Variants in TRAPPC6A observed in about 807,000 individuals in gnomAD.
TRAPPC6A encodes the protein trafficking protein particle complex subunit 6A.
In TRAPPC6A, 25 loss-of-function variants were observed where a neutral mutation model predicts 20.8. That is an observed-to-expected ratio of 1.20 (90% CI 0.88 to 1.68). The LOEUF is 1.68. TRAPPC6A is among the 40% of genes most tolerant of loss of function. The probability of loss-of-function intolerance (pLI) is 0.00; values close to 1 mark genes in which losing one functional copy is unlikely to be tolerated. For synonymous variants in TRAPPC6A, 96 were observed against 93.3 expected (o/e 1.03, Z -0.16); for missense variants, 215 against 211.6 (o/e 1.02, Z -0.10).
chr19:45,165,010 C>G (rs1969117700), intron 2 of TRAPPC6A, 40 bp from the exon 3 acceptor site: 1 of 1,611,640 alleles, frequency 6.2e-7, no homozygotes, highest in African/African-American at 1.3e-5. Context: ...GGGGCCAGGC[C>G]AGGAAGAGGG....
In TRAPPC6A at chr19:45,162,988, G is replaced by T; in HGVS notation, c.*204C>A. ...ACTGGGCAGTGACGCTGCCGAGGCGGGAATCCCACCACAGTCCTGACCGCA... is the reference window on the plus strand; with the variant it reads ...ACTGGGCAGTGACGCTGCCGAGGCGTGAATCCCACCACAGTCCTGACCGCA... On this transcript the variant is annotated 3_prime_UTR_variant, in exon 6 of 6. Transcript: ENST00000585934. 1 of 449,004 alleles carries T rather than the reference G, an allele frequency of 2.2e-6. No homozygotes were observed. Among genetic ancestry groups the T allele is most frequent in the Admixed American group, 4.3e-5 (1 of 23,512 alleles). 27.8% of individuals were successfully genotyped at this position (449,004 alleles called of 1,614,324 possible). A position where few individuals can be genotyped will look rare whatever the true frequency, so the allele number is the denominator to read the frequency against.
Position 45,167,993 on chromosome 19 carries a change from CTTTTTTTTTTTTT to C in TRAPPC6A, c.85-2812_85-2800del, listed in dbSNP as rs968943946. Reference sequence around the variant, plus strand: ...AGCCCAGGCAACAGCAAGACCCTGTCTTTTTTTTTTTTTTTTTTTTTTTTTTTGAGACAGAGTC... The same window carrying C: ...AGCCCAGGCAACAGCAAGACCCTGTCTTTTTTTTTTTTTTGAGACAGAGTC... On this transcript the variant is annotated intron_variant, in intron 1 of 5. Coordinates refer to ENST00000585934, the MANE Select transcript of TRAPPC6A (RefSeq NM_001270891.2). Among the ~76,000 whole-genome samples the C allele has an allele frequency of 8.4e-3, 843 of 100,000 alleles. 9 individuals carry two copies. The highest frequency in any genetic ancestry group is 0.032 in the African/African-American group (802 of 24,834). The allele number at this position is 100,000 out of a possible 152,430, so 65.6% of individuals were successfully genotyped here. A position where few individuals can be genotyped will look rare whatever the true frequency, so the allele number is the denominator to read the frequency against.
In TRAPPC6A at chr19:45,163,086, T is replaced by A; in HGVS notation, c.*106A>T. 1 of 1,383,154 alleles carries A rather than the reference T, an allele frequency of 7.2e-7. No homozygotes were observed. Among genetic ancestry groups the A allele is most frequent in the South Asian group, 1.2e-5 (1 of 81,972 alleles). 85.7% of individuals were successfully genotyped at this position (1,383,154 alleles called of 1,614,324 possible). A position where few individuals can be genotyped will look rare whatever the true frequency, so the allele number is the denominator to read the frequency against. ...CCACTTCCTGAGCAAATGTGACCCCTAGGGCCTGGGATTCCCAAGACCACC... is the reference window on the plus strand; with the variant it reads ...CCACTTCCTGAGCAAATGTGACCCCAAGGGCCTGGGATTCCCAAGACCACC... On this transcript the variant is annotated 3_prime_UTR_variant, in exon 6 of 6. Transcript: ENST00000585934. This position sits in a 1 kb window ranked among gnomAD's most constrained non-coding sequence, Gnocchi z 5.3.
intron 1 of TRAPPC6A, among the ~76,000 whole-genome samples, chr19:45,171,957 A>T (rs894887083): frequency 1.8e-4 from 27 of 152,122 alleles, no homozygotes; most frequent in African/African-American, 6.5e-4. Flanking sequence ...ACTCAGGGGA[A>T]TCCTCTCTTT....
At position 45,172,499 on chromosome 19, in the gene TRAPPC6A, G is replaced by T. The variant is rs1273663383; in HGVS notation, c.84+5636C>A. ...GAGCCACTCTGTGCCAGGCCCAGGG[G>T]TGTGGTGGGGAACCCAGGGAAGGAG... On this transcript the variant is annotated intron_variant, in intron 1 of 5. Coordinates refer to ENST00000585934, the MANE Select transcript of TRAPPC6A (RefSeq NM_001270891.2). This position sits in a 1 kb window ranked among gnomAD's most constrained non-coding sequence, Gnocchi z 4.2. 2.0e-5 allele frequency among the ~76,000 whole-genome samples: 3 copies of T among 151,682 alleles called. No individual in the cohort carries two copies.
At chr19:45,169,808 C>A (rs1239387872) in intron 1 of TRAPPC6A, among the ~76,000 whole-genome samples, 1 of 152,242 alleles carries the variant, frequency 6.6e-6, no homozygotes, top group Non-Finnish European at 1.5e-5. Flanking sequence ...GGGAACACGT[C>A]TGTGTCCACA....
chr19:45,168,432 A>G (rs561539872), intron 1 of TRAPPC6A, among the ~76,000 whole-genome samples: 1 of 152,350 alleles, frequency 6.6e-6, no homozygotes, highest in Non-Finnish European at 1.5e-5. Flanking sequence ...GACCCTGGAC[A>G]GAACGCCATC....
At chr19:45,166,986 C>G (rs923860494) in intron 1 of TRAPPC6A, among the ~76,000 whole-genome samples, 1 of 152,184 alleles carries the variant, frequency 6.6e-6, no homozygotes, top group African/African-American at 2.4e-5. Context: ...TCCTCTGCCC[C>G]CTGAGGACAT....
At position 45,173,125 on chromosome 19, in the gene TRAPPC6A, T is replaced by C. The variant is rs1441992010; in HGVS notation, c.84+5010A>G. ...AGACAATGGGTGACAGCGCCTTAGC[T>C]CTTTACTACATGCACTCAGGGGAAT... On this transcript the variant is annotated intron_variant, in intron 1 of 5. Transcript: ENST00000585934. This position sits in a 1 kb window ranked among gnomAD's most constrained non-coding sequence, Gnocchi z 4.8. Among the ~76,000 whole-genome samples the C allele has an allele frequency of 1.3e-5, 2 of 151,570 alleles. No individual in the cohort carries two copies. The highest frequency in any genetic ancestry group is 2.9e-5 in the Non-Finnish European group (2 of 68,006).
Position 45,177,965 on chromosome 19 carries a change from C to G in TRAPPC6A, c.84+170G>C, listed in dbSNP as rs527714591. The G allele has an allele frequency of 2.0e-5, 25 of 1,273,116 alleles. No individual in the cohort carries two copies. The African/African-American group carries it at 3.1e-4, about 16-fold the overall frequency. The allele number at this position is 1,273,116 out of a possible 1,614,324, so 78.9% of individuals were successfully genotyped here. The stretch of plus-strand genomic sequence containing the variant: ...CGCTCAATTTAGCAATAACCCCGAG[C>G]CGGCACCGTCGCGAACGCCACTTTC... On this transcript the variant is annotated intron_variant, in intron 1 of 5. Transcript: ENST00000585934.
rs60460304 is a variant in TRAPPC6A at position 45,172,992 on chromosome 19, G to A, written c.84+5143C>T. ...GACCTATCTGACAGCCGCTCCGCCC[G>A]CCCCACACCCTCCTCAGATAAGGGG... On this transcript the variant is annotated intron_variant, in intron 1 of 5. Transcript: ENST00000585934. This position sits in a 1 kb window ranked among gnomAD's most constrained non-coding sequence, Gnocchi z 4.2. 0.014 allele frequency among the ~76,000 whole-genome samples: 2,082 copies of A among 151,460 alleles called. 119 individuals are homozygous for A. Among genetic ancestry groups the A allele is most frequent in the African/African-American group, 0.046 (1,877 of 40,864 alleles).
At position 45,163,094 on chromosome 19, in the gene TRAPPC6A, G is replaced by A. The variant is rs1255408420; in HGVS notation, c.*98C>T. 1.4e-6 allele frequency: 2 copies of A among 1,455,458 alleles called. No individual in the cohort carries two copies. Among genetic ancestry groups the A allele is most frequent in the Non-Finnish European group, 1.9e-6 (2 of 1,049,354 alleles). The allele number at this position is 1,455,458 out of a possible 1,614,324, so 90.2% of individuals were successfully genotyped here. A position where few individuals can be genotyped will look rare whatever the true frequency, so the allele number is the denominator to read the frequency against. On this transcript the variant is annotated 3_prime_UTR_variant, in exon 6 of 6. Transcript: ENST00000585934. This position sits in a 1 kb window ranked among gnomAD's most constrained non-coding sequence, Gnocchi z 5.3. ...TGAGCAAATGTGACCCCTAGGGCCTGGGATTCCCAAGACCACCCCGAAATG... is the reference window on the plus strand; with the variant it reads ...TGAGCAAATGTGACCCCTAGGGCCTAGGATTCCCAAGACCACCCCGAAATG...
chr19:45,172,890 G>C lies in TRAPPC6A; in HGVS notation c.84+5245C>G, dbSNP rs1011228076. 6.6e-6 allele frequency among the ~76,000 whole-genome samples: 1 copy of C among 151,668 alleles called. No homozygotes were observed. The highest frequency in any genetic ancestry group is 1.5e-5 in the Non-Finnish European group (1 of 68,026). Reference sequence around the variant, plus strand: ...CCCGGCTATGGCTCCCACTGCCTTCGGGATGGAGCCCCAGTTCCCAGGAGG... The same window carrying C: ...CCCGGCTATGGCTCCCACTGCCTTCCGGATGGAGCCCCAGTTCCCAGGAGG... On this transcript the variant is annotated intron_variant, in intron 1 of 5. Coordinates refer to ENST00000585934, the MANE Select transcript of TRAPPC6A (RefSeq NM_001270891.2). This position sits in a 1 kb window ranked among gnomAD's most constrained non-coding sequence, Gnocchi z 4.2.
At chr19:45,171,797 G>C (rs538024417) in intron 1 of TRAPPC6A, among the ~76,000 whole-genome samples, 1 of 152,322 alleles carries the variant, frequency 6.6e-6, no homozygotes, top group East Asian at 1.9e-4. Flanking sequence ...AATGTCCTGA[G>C]CTAAAGGAAG....
intron 1 of TRAPPC6A, among the ~76,000 whole-genome samples, chr19:45,167,735 G>C (rs573441584): frequency 3.3e-5 from 5 of 152,326 alleles, no homozygotes; most frequent in African/African-American, 4.8e-5. Context: ...TGCCCACCTC[G>C]GCCTCCCAAA....
At chr19:45,165,052 A>G in intron 2 of TRAPPC6A, 75 bp downstream of exon 2, 1 of 1,610,484 alleles carries the variant, frequency 6.2e-7, no homozygotes, top group Non-Finnish European at 8.5e-7. Flanking sequence ...GCATGGAGCA[A>G]TGCAACCCTC....
chr19:45,178,105 C>A, intron 1 of TRAPPC6A, 30 bp downstream of exon 1: 1 of 1,612,706 alleles, frequency 6.2e-7, no homozygotes, highest in Non-Finnish European at 8.5e-7. Context: ...TGGTGGCCCC[C>A]GCTTCCTCCC....
rs1033436103 is a variant in TRAPPC6A at position 45,178,039 on chromosome 19, G to C, written c.84+96C>G. 2.5e-6 allele frequency: 4 copies of C among 1,585,048 alleles called. No homozygotes were observed. The African/African-American group carries it at 5.4e-5, about 21-fold the overall frequency. ...CGTTGCCCTGCAAGGCCGGGGCTGGGCCGGGTTCGAACCCGGACGCCTGAC... is the reference window on the plus strand; with the variant it reads ...CGTTGCCCTGCAAGGCCGGGGCTGGCCCGGGTTCGAACCCGGACGCCTGAC... On this transcript the variant is annotated intron_variant, in intron 1 of 5. Transcript: ENST00000585934.
intron 3 of TRAPPC6A, 196 bp downstream of exon 3, chr19:45,164,657 C>T (rs949674545): frequency 1.1e-5 from 7 of 611,578 alleles, no homozygotes; most frequent in African/African-American, 9.2e-5. Flanking sequence ...GGAGAAGTTC[C>T]GGAAACACCC....
Sources: gnomAD v4.1 joint callset for allele counts (sites outside exome capture counted in the v4.1 genomes callset) on GRCh38, gnomAD v4.1.1 for gene constraint, Gnocchi (gnomAD v3.1) non-coding constraint, MANE v1.5 for transcripts, NCBI Gene and HGNC (gene_info 2026-07-23, HGNC 2026-07-21) for gene names.